Variants in SDC2 observed in about 807,000 individuals in gnomAD.
The protein encoded by SDC2 is syndecan-2.
SDC2 carries 13 observed loss-of-function variants against 22.2 expected under a neutral mutation model. The ratio of observed to expected loss-of-function variants is 0.59; its 90% CI spans 0.38 to 0.93. The LOEUF is 0.93. Among genes scored for constraint, SDC2 ranks in the 40% least tolerant of loss-of-function variants. The probability of loss-of-function intolerance (pLI) is 0.00; values close to 1 mark genes in which losing one functional copy is unlikely to be tolerated. For missense variants in SDC2, 235 were observed against 246.8 expected (o/e 0.95, Z 0.32); for synonymous variants, 94 against 92.8 (o/e 1.01, Z -0.07).
chr8:96,525,035 A>G (rs903903733), intron 1 of SDC2, among the ~76,000 whole-genome samples: 21 of 151,914 alleles, frequency 1.4e-4, no homozygotes, highest in Non-Finnish European at 2.8e-4. Flanking sequence ...ATTGGGTCAC[A>G]ATAATGTAAA....
chr8:96,547,731 T>C (rs1038532213), intron 1 of SDC2, among the ~76,000 whole-genome samples: 1 of 150,552 alleles, frequency 6.6e-6, no homozygotes, highest in Non-Finnish European at 1.5e-5. Flanking sequence ...TGGATCCTTG[T>C]TTGATTTTTT....
chr8:96,497,363 G>T (rs1813092314), intron 1 of SDC2, among the ~76,000 whole-genome samples: 1 of 152,142 alleles, frequency 6.6e-6, no homozygotes, highest in Non-Finnish European at 1.5e-5. Context: ...GCAGAAGGAG[G>T]ATGTCATTTA....
In SDC2 at chr8:96,530,049, C is replaced by A. The variant is rs549411828; in HGVS notation, c.60+35718C>A. Among the ~76,000 whole-genome samples the A allele has an allele frequency of 2.0e-5, 3 of 152,284 alleles. No homozygotes were observed. The South Asian group carries it at 6.2e-4, about 32-fold the overall frequency. On this transcript the variant is annotated intron_variant, in intron 1 of 4. Coordinates refer to ENST00000302190, the MANE Select transcript of SDC2 (RefSeq NM_002998.4). ...AGGGGCGGGGGGAAGTAGACTTTCT[C>A]TGCCCTTTGGTTTTGCTTTACTTTG...
chr8:96,544,242 G>A (rs538107573), intron 1 of SDC2, among the ~76,000 whole-genome samples: 4 of 152,302 alleles, frequency 2.6e-5, no homozygotes, highest in African/African-American at 9.6e-5. Flanking sequence ...TATCTGCAAA[G>A]TGTACTTACT....
chr8:96,507,057 A>G (rs557984247), intron 1 of SDC2, among the ~76,000 whole-genome samples: 1 of 152,164 alleles, frequency 6.6e-6, no homozygotes, highest in South Asian at 2.1e-4. Context: ...AAAGAGGTAT[A>G]AAAGTGTTGG....
chr8:96,531,227 A>G (rs1813656170), intron 1 of SDC2, among the ~76,000 whole-genome samples: 2 of 152,260 alleles, frequency 1.3e-5, no homozygotes, highest in Admixed American at 6.5e-5. Flanking sequence ...ATTATGATAA[A>G]TAGAATTTGA....
At chr8:96,593,726 G>A (rs961514668) in intron 2 of SDC2, 135 bp downstream of exon 2, 11 of 603,104 alleles carry the variant, frequency 1.8e-5, no homozygotes, top group African/African-American at 1.7e-4. Context: ...AAAGGGCCTG[G>A]GTGCTAATTC....
intron 1 of SDC2, among the ~76,000 whole-genome samples, chr8:96,571,973 G>A (rs1002350202): frequency 6.6e-6 from 1 of 152,144 alleles, no homozygotes. Context: ...GTAAATTGAA[G>A]GGTTGGCTTT....
At chr8:96,596,527 G>A (rs1814879493) in intron 2 of SDC2, among the ~76,000 whole-genome samples, 1 of 152,204 alleles carries the variant, frequency 6.6e-6, no homozygotes, top group South Asian at 2.1e-4. Flanking sequence ...TTGGGGCACA[G>A]AGATAAGAAA....
intron 1 of SDC2, among the ~76,000 whole-genome samples, chr8:96,532,472 C>T (rs1041691337): frequency 5.7e-5 from 6 of 105,744 alleles, no homozygotes; most frequent in Admixed American, 1.2e-4. Flanking sequence ...GAAAGAAAAT[C>T]TACCTCCAGG....
chr8:96,518,480 C>T (rs1456948818), intron 1 of SDC2, among the ~76,000 whole-genome samples: 1 of 151,782 alleles, frequency 6.6e-6, no homozygotes. Context: ...CCTGCCTCAG[C>T]CTCCCAAGTA....
Position 96,535,437 on chromosome 8 carries a change from T to C in SDC2, c.60+41106T>C, listed in dbSNP as rs144813055. On this transcript the variant is annotated intron_variant, in intron 1 of 4. Coordinates refer to ENST00000302190, the MANE Select transcript of SDC2 (RefSeq NM_002998.4). ...TTTTTAAGTCTGGCCACTCTACAAATATCTGTACCAATTCTCCCATTACAA... is the reference window on the plus strand; with the variant it reads ...TTTTTAAGTCTGGCCACTCTACAAACATCTGTACCAATTCTCCCATTACAA... Among the ~76,000 whole-genome samples the C allele has an allele frequency of 2.2e-4, 33 of 152,330 alleles. 1 individual carries two copies. Among genetic ancestry groups the C allele is most frequent in the African/African-American group, 7.5e-4 (31 of 41,580 alleles).
chr8:96,589,430 G>C (rs1814740934), intron 1 of SDC2, among the ~76,000 whole-genome samples: 1 of 152,082 alleles, frequency 6.6e-6, no homozygotes, highest in South Asian at 2.1e-4. Context: ...TGTTTTTTGA[G>C]ACAGAGTCTC....
Position 96,509,275 on chromosome 8 carries a change from A to G in SDC2, c.60+14944A>G, listed in dbSNP as rs1813294989. Among the ~76,000 whole-genome samples the G allele has an allele frequency of 2.8e-5, 4 of 142,196 alleles. 1 individual carries two copies. The highest frequency in any genetic ancestry group is 7.0e-5 in the Admixed American group (1 of 14,320). The allele number at this position is 142,196 out of a possible 152,430, so 93.3% of individuals were successfully genotyped here. On this transcript the variant is annotated intron_variant, in intron 1 of 4. Coordinates refer to ENST00000302190, the MANE Select transcript of SDC2 (RefSeq NM_002998.4). ...GTGTCAAGCAGTAATAAGAGTGCGC[A>G]GGATAGAGCCTGCGCTAGACTCTCA...
At chr8:96,501,436 C>T (rs13249577) in intron 1 of SDC2, among the ~76,000 whole-genome samples, 33,237 of 150,252 alleles carry the variant, frequency 0.22, 3,769 homozygotes, top group Non-Finnish European at 0.27. Context: ...TCCCGAGTAG[C>T]TGGGATTACA....
At chr8:96,583,685 ATGTGTGTGTG>A (rs3064977) in intron 1 of SDC2, among the ~76,000 whole-genome samples, 4 of 142,532 alleles carry the variant, frequency 2.8e-5, no homozygotes, top group African/African-American at 5.4e-5. Flanking sequence ...TTTGAAATAT[ATGTGTGTGTG>A]TGTGTGTGTG....
chr8:96,566,721 T>C (rs1222574105), intron 1 of SDC2, among the ~76,000 whole-genome samples: 1 of 151,638 alleles, frequency 6.6e-6, no homozygotes, highest in African/African-American at 2.4e-5. Context: ...TTTTTTGTTA[T>C]AATTAAGTCA....
At chr8:96,558,676 G>A (rs187119030) in intron 1 of SDC2, among the ~76,000 whole-genome samples, 2 of 152,308 alleles carry the variant, frequency 1.3e-5, no homozygotes, top group African/African-American at 4.8e-5. Flanking sequence ...GGAGGCTGAG[G>A]TGGGCAGATC....
chr8:96,583,599 A>G (rs1814630102), intron 1 of SDC2, among the ~76,000 whole-genome samples: 1 of 151,278 alleles, frequency 6.6e-6, no homozygotes. Flanking sequence ...TTACACATAA[A>G]TCCACCACCC....
Sources: gnomAD v4.1 joint callset for allele counts (sites outside exome capture counted in the v4.1 genomes callset) on GRCh38, gnomAD v4.1.1 for gene constraint, MANE v1.5 for transcripts, NCBI Gene and HGNC (gene_info 2026-07-23, HGNC 2026-07-21) for gene names.